SLC45A2: variants seen among roughly 807,000 people sequenced by gnomAD.
The protein encoded by SLC45A2 is membrane-associated transporter protein.
A neutral mutation model predicts 45.5 loss-of-function variants in SLC45A2; 36 were observed. The observed-to-expected ratio is 0.79, with a 90% confidence interval of 0.61 to 1.04. SLC45A2 has a LOEUF of 1.04. Among genes scored for constraint, SLC45A2 ranks in the 50% least tolerant of loss-of-function variants. SLC45A2 has a pLI of 0.00. For missense variants in SLC45A2, 719 were observed against 671.0 expected (o/e 1.07, Z -0.79); for synonymous variants, 306 against 269.3 (o/e 1.14, Z -1.33).
chr5:33,946,411 T>G (rs1751929035), intron 6 of SLC45A2: 2 of 985,436 alleles, frequency 2.0e-6, no homozygotes, highest in South Asian at 9.4e-5. Context: ...CTTGGAGTTA[T>G]CTCTGTAGCT....
intron 3 of SLC45A2, among the ~76,000 whole-genome samples, chr5:33,959,127 A>C (rs1466046085): frequency 6.6e-6 from 1 of 152,152 alleles, no homozygotes; most frequent in Non-Finnish European, 1.5e-5. Flanking sequence ...TAGAAAATTA[A>C]AGCTTCCTGT....
chr5:33,964,833 C>T (rs35408), intron 2 of SLC45A2, among the ~76,000 whole-genome samples: 120,400 of 152,184 alleles, frequency 0.79, 51,212 homozygotes, highest in Non-Finnish European at 0.97. Flanking sequence ...TTAAAATACA[C>T]GTGTTCCTGG....
At chr5:33,982,132 C>T in intron 2 of SLC45A2, 104 bp downstream of exon 2, 1 of 1,301,076 alleles carries the variant, frequency 7.7e-7, no homozygotes, top group Non-Finnish European at 1.1e-6. Flanking sequence ...ATCAGCTGAC[C>T]CGTTCATTCA....
At chr5:33,957,793 A>C (rs1381294309) in intron 3 of SLC45A2, among the ~76,000 whole-genome samples, 2 of 152,186 alleles carry the variant, frequency 1.3e-5, no homozygotes, top group African/African-American at 4.8e-5. Context: ...GCCTCATTCT[A>C]AATATTAATA....
At chr5:33,955,174 T>G (rs1226340647) in intron 3 of SLC45A2, among the ~76,000 whole-genome samples, 1 of 152,108 alleles carries the variant, frequency 6.6e-6, no homozygotes. Flanking sequence ...GGAAGCCACT[T>G]GAAAGGACCT....
chr5:33,963,822 G>T lies in SLC45A2; in HGVS notation c.757C>A (p.Gln253Lys). The change falls in exon 3 of 7, where the codon CAA (glutamine) becomes AAA (lysine). Residue 253 changes from glutamine (Q) to lysine (K), a missense_variant. Transcript: ENST00000296589. ...GACAATGGAGGGTCCTGAGGGGTTT[G>T]CTGTGGGGGAATGCCCTTTGCAACC... ...TEVAKGIPPQ[Q>K]TPQDPPLSSD... 1.2e-6 allele frequency: 2 copies of T among 1,614,162 alleles called. No homozygotes were observed. The highest frequency in any genetic ancestry group is 1.7e-6 in the Non-Finnish European group (2 of 1,180,030).
chr5:33,972,346 A>G lies in SLC45A2; in HGVS notation c.563-8330T>C, dbSNP rs191181118. 2.0e-4 allele frequency: 76 copies of G among 381,340 alleles called. No homozygotes were observed. In the East Asian group the frequency reaches 5.1e-3, roughly 26 times the overall value. 23.6% of individuals were successfully genotyped at this position (381,340 alleles called of 1,614,324 possible). On this transcript the variant is annotated intron_variant, in intron 2 of 6. Transcript: ENST00000296589. Reference sequence around the variant, plus strand: ...GCTTTGCTGCATCCAGGAAGATTAGATAGAAAAAAATACATATTGATTTGC... The same window carrying G: ...GCTTTGCTGCATCCAGGAAGATTAGGTAGAAAAAAATACATATTGATTTGC...
At chr5:33,954,528 G>A in intron 3 of SLC45A2, 24 bp from the exon 4 acceptor site, 1 of 1,612,750 alleles carries the variant, frequency 6.2e-7, no homozygotes, top group South Asian at 1.1e-5. Context: ...TGAAACAGAG[G>A]TGTGATCTTC....
At chr5:33,971,587 C>T (rs530421142) in intron 2 of SLC45A2, among the ~76,000 whole-genome samples, 65 of 152,222 alleles carry the variant, frequency 4.3e-4, no homozygotes, top group Non-Finnish European at 5.3e-4. Flanking sequence ...CACAGGTGTG[C>T]ACCACCATGC....
At position 33,951,541 on chromosome 5, in the gene SLC45A2, G is replaced by C; in HGVS notation, c.1156+13C>G. ...ACTTTTAGAAGACATCCTTAGGAGAGAGAAAGACTTACAAGAATAAAGTGA... is the reference window on the plus strand; with the variant it reads ...ACTTTTAGAAGACATCCTTAGGAGACAGAAAGACTTACAAGAATAAAGTGA... On this transcript the variant is annotated intron_variant, in intron 5 of 6. Coordinates refer to ENST00000296589, the MANE Select transcript of SLC45A2 (RefSeq NM_016180.5). The C allele has an allele frequency of 1.2e-6, 2 of 1,614,064 alleles. No individual in the cohort carries two copies. The highest frequency in any genetic ancestry group is 8.5e-7 in the Non-Finnish European group (1 of 1,179,976).
rs58784954 is a variant in SLC45A2, at chr5:33,972,011, G to A, written c.563-7995C>T. On this transcript the variant is annotated intron_variant, in intron 2 of 6. Transcript: ENST00000296589. ...CCTGCCTTGGCCTCCCACAGTGTTG[G>A]GATTACAGGTGTGAGCCACCACACC... 2,659 of 462,402 alleles carry A rather than the reference G, an allele frequency of 5.8e-3. 65 individuals are homozygous for A. Among genetic ancestry groups the A allele is most frequent in the African/African-American group, 0.049 (2,482 of 50,386 alleles). The allele number at this position is 462,402 out of a possible 1,614,324, so 28.6% of individuals were successfully genotyped here.
intron 2 of SLC45A2, among the ~76,000 whole-genome samples, chr5:33,980,228 A>C (rs910601453): frequency 1.3e-5 from 2 of 151,652 alleles, no homozygotes; most frequent in Non-Finnish European, 2.9e-5. Flanking sequence ...TACTCCAATC[A>C]GTGGACTTCA....
intron 5 of SLC45A2, chr5:33,951,349 C>A: frequency 7.3e-7 from 1 of 1,367,398 alleles, no homozygotes; most frequent in Non-Finnish European, 9.6e-7. Flanking sequence ...GCAAAGTAAT[C>A]AGTGAGGAAA....
At chr5:33,968,312 C>T (rs1376863608) in intron 2 of SLC45A2, among the ~76,000 whole-genome samples, 1 of 152,166 alleles carries the variant, frequency 6.6e-6, no homozygotes, top group Non-Finnish European at 1.5e-5. Context: ...TTACCACCTC[C>T]CACACCTACA....
At chr5:33,982,493 C>T in intron 1 of SLC45A2, 81 bp from the exon 2 acceptor site, 1 of 1,372,278 alleles carries the variant, frequency 7.3e-7, no homozygotes, top group South Asian at 1.2e-5. Flanking sequence ...AAACTTCTTG[C>T]CATAAAATCA....
intron 5 of SLC45A2, among the ~76,000 whole-genome samples, chr5:33,949,853 G>A (rs533265699): frequency 2.0e-5 from 3 of 151,730 alleles, no homozygotes; most frequent in Admixed American, 6.5e-5. Flanking sequence ...GGAGTTCCCT[G>A]AGGAAAAATA....
chr5:33,963,723 G>C lies in SLC45A2; in HGVS notation c.856C>G (p.Gln286Glu). Residue 286 changes from glutamine to glutamate, a missense_variant, in exon 3 of 7, where the codon CAG (glutamine) becomes GAG (glutamate). Gln to Glu is a conservative substitution (Grantham distance 29, BLOSUM62 2). Transcript: ENST00000296589. ...GCATGATTTTTGTTTTTTGCTCCCT[G>C]CATTGCCAGCTCTGGATTTACGTAA... The part of the protein sequence containing the change: ...NGYVNPELAM[Q>E]GAKNKNHAEQ... 5 of 1,614,002 alleles carry C rather than the reference G, an allele frequency of 3.1e-6. No homozygotes were observed. The highest frequency in any genetic ancestry group is 4.2e-6 in the Non-Finnish European group (5 of 1,179,994).
chr5:33,961,781 T>C (rs1175632012), intron 3 of SLC45A2, among the ~76,000 whole-genome samples: 1 of 152,186 alleles, frequency 6.6e-6, no homozygotes, highest in Non-Finnish European at 1.5e-5. Flanking sequence ...TCTGTTCCTG[T>C]ACCTGTTCCT....
chr5:33,944,924 G>A, intron 6 of SLC45A2, 52 bp from the exon 7 acceptor site: 1 of 1,560,156 alleles, frequency 6.4e-7, no homozygotes, highest in Non-Finnish European at 8.7e-7. Context: ...CTGTCATTTA[G>A]GGCACAGGTC....
Sources: gnomAD v4.1 joint callset for allele counts (sites outside exome capture counted in the v4.1 genomes callset) on GRCh38, gnomAD v4.1.1 for gene constraint, MANE v1.5 for transcripts, NCBI Gene and HGNC (gene_info 2026-07-23, HGNC 2026-07-21) for gene names.